The following KCNN2 variants were observed in gnomAD, a reference collection of about 807,000 sequenced individuals.
KCNN2 encodes small conductance calcium-activated potassium channel protein 2.
Under a neutral mutation model 55.5 loss-of-function variants are expected in KCNN2, and 24 were observed. The ratio of observed to expected loss-of-function variants is 0.43; its 90% confidence interval spans 0.31 to 0.61. The LOEUF (loss-of-function observed/expected upper bound fraction) is 0.61. Among genes scored for constraint, KCNN2 ranks in the 20% least tolerant of loss-of-function variants. The pLI is 0.08. For synonymous variants in KCNN2, 431 were observed against 336.1 expected, an observed-to-expected ratio of 1.28 and a Z score of -3.09; for missense variants, 754 against 853.6, an observed-to-expected ratio of 0.88 and a Z score of 1.45.
intron 1 of KCNN2, among the ~76,000 whole-genome samples, chr5:114,213,191 C>A (rs918222984): frequency 6.6e-6 from 1 of 151,956 alleles, no homozygotes; most frequent in African/African-American, 2.4e-5. Flanking sequence ...GGTTCTTTCC[C>A]TGAACTCATA....
intron 2 of KCNN2, among the ~76,000 whole-genome samples, chr5:114,281,783 A>G (rs1181499388): frequency 6.6e-6 from 1 of 152,036 alleles, no homozygotes; most frequent in Non-Finnish European, 1.5e-5. Flanking sequence ...ATAATAAATT[A>G]TGTCCTTGAA....
At chr5:114,109,022 A>G (rs6892544) in intron 1 of KCNN2, among the ~76,000 whole-genome samples, 25,453 of 151,908 alleles carry the variant, frequency 0.17, 2,220 homozygotes, top group Middle Eastern at 0.22. Context: ...CATTCTCACC[A>G]ATTTGGTGTT....
chr5:114,337,970 T>A (rs139771953), intron 2 of KCNN2, among the ~76,000 whole-genome samples: 3 of 152,304 alleles, frequency 2.0e-5, no homozygotes, highest in African/African-American at 7.2e-5. Context: ...ATACACTGAA[T>A]TTGTCCCTGC....
intron 1 of KCNN2, among the ~76,000 whole-genome samples, chr5:114,069,107 A>C (rs949058426): frequency 3.9e-5 from 6 of 152,070 alleles, no homozygotes; most frequent in Non-Finnish European, 8.8e-5. Flanking sequence ...GAGCCACCGC[A>C]CCCTGCCAAT....
intron 1 of KCNN2, among the ~76,000 whole-genome samples, chr5:114,184,655 C>A (rs1753296967): frequency 6.6e-6 from 1 of 152,076 alleles, no homozygotes; most frequent in Non-Finnish European, 1.5e-5. Context: ...GTCAGAATAA[C>A]AAACTAGTGA....
At chr5:114,444,536 C>G (rs1276860365) in intron 3 of KCNN2, among the ~76,000 whole-genome samples, 1 of 151,952 alleles carries the variant, frequency 6.6e-6, no homozygotes, top group Non-Finnish European at 1.5e-5. Context: ...GAGGCCAGGC[C>G]AAAAAGAATG....
chr5:114,201,312 A>T (rs1753669482), intron 1 of KCNN2, among the ~76,000 whole-genome samples: 1 of 152,068 alleles, frequency 6.6e-6, no homozygotes, highest in Non-Finnish European at 1.5e-5. Context: ...AATAATAATG[A>T]TAATAACTAT....
chr5:114,342,993 A>G (rs1757043538), intron 2 of KCNN2, among the ~76,000 whole-genome samples: 1 of 152,130 alleles, frequency 6.6e-6, no homozygotes, highest in African/African-American at 2.4e-5. Context: ...ATTCTTCCTG[A>G]TCCTCTCCTG....
intron 2 of KCNN2, among the ~76,000 whole-genome samples, chr5:114,326,064 A>G (rs1319059835): frequency 6.6e-6 from 1 of 152,202 alleles, no homozygotes; most frequent in African/African-American, 2.4e-5. Context: ...CTGCCAAATG[A>G]ATTATGAAAA....
intron 1 of KCNN2, among the ~76,000 whole-genome samples, chr5:114,077,423 G>T (rs1323405569): frequency 6.6e-6 from 1 of 152,204 alleles, no homozygotes; most frequent in African/African-American, 2.4e-5. Flanking sequence ...AGGCCCTCTA[G>T]TAGGGGCATA....
intron 1 of KCNN2, among the ~76,000 whole-genome samples, chr5:114,192,886 G>A (rs554922402): frequency 2.4e-4 from 37 of 152,094 alleles, no homozygotes; most frequent in African/African-American, 8.7e-4. Context: ...CATGTCTTCT[G>A]TCTCAATCCC....
chr5:114,062,535 CT>C (rs769686802), intron 1 of KCNN2, among the ~76,000 whole-genome samples: 1 of 152,100 alleles, frequency 6.6e-6, no homozygotes, highest in Non-Finnish European at 1.5e-5. Flanking sequence ...TGAAGAGGGC[CT>C]TTTAATTTTC....
rs1249898458 is a variant in KCNN2 at position 114,382,738 on chromosome 5, A to G, written c.1218+18737A>G. The stretch of plus-strand genomic sequence containing the variant: ...TGTGCCACAAAATAAACTTTCTACC[A>G]AAAAACAAATGGATGGATGGCGTCT... On this transcript the variant is annotated intron_variant, in intron 2 of 7. Coordinates refer to ENST00000673685, the MANE Select transcript of KCNN2 (RefSeq NM_021614.4). 2.0e-5 allele frequency among the ~76,000 whole-genome samples: 3 copies of G among 152,280 alleles called. No homozygotes were observed. In the South Asian group the frequency reaches 6.2e-4, roughly 32 times the overall value.
At chr5:114,385,873 A>G (rs1326912648) in intron 2 of KCNN2, among the ~76,000 whole-genome samples, 1 of 151,900 alleles carries the variant, frequency 6.6e-6, no homozygotes, top group Non-Finnish European at 1.5e-5. Context: ...TAATTATACA[A>G]CTGTTTCTTA....
At chr5:114,386,181 TA>T (rs35485329) in intron 2 of KCNN2, among the ~76,000 whole-genome samples, 30,473 of 100,820 alleles carry the variant, frequency 0.3, 4,126 homozygotes, top group Non-Finnish European at 0.38. Context: ...AGACTCTGTC[TA>T]AAAAAAAAAA....
intron 2 of KCNN2, among the ~76,000 whole-genome samples, chr5:114,315,962 G>A (rs1310894067): frequency 2.1e-5 from 2 of 95,950 alleles, no homozygotes; most frequent in East Asian, 1.7e-3. Flanking sequence ...ATGGGAGTTG[G>A]AAGGAGGCAA....
chr5:114,167,640 C>T (rs578201418), intron 1 of KCNN2, among the ~76,000 whole-genome samples: 116 of 152,162 alleles, frequency 7.6e-4, no homozygotes, highest in Non-Finnish European at 1.0e-4. Context: ...TATATTTTGA[C>T]CTCTTCCCTT....
At chr5:114,280,431 T>C (rs1047088673) in intron 2 of KCNN2, among the ~76,000 whole-genome samples, 4 of 152,216 alleles carry the variant, frequency 2.6e-5, no homozygotes, top group Admixed American at 6.5e-5. Context: ...TTTATGGTTT[T>C]AGGTCTAATA....
intron 3 of KCNN2, among the ~76,000 whole-genome samples, chr5:114,451,100 C>A (rs2150104146): frequency 6.6e-6 from 1 of 152,276 alleles, no homozygotes; most frequent in African/African-American, 2.4e-5. Context: ...AACTTATTGA[C>A]AGATAAGTCA....
Sources: gnomAD v4.1 joint callset for allele counts (sites outside exome capture counted in the v4.1 genomes callset) on GRCh38, gnomAD v4.1.1 for gene constraint, MANE v1.5 for transcripts, NCBI Gene and HGNC (gene_info 2026-07-23, HGNC 2026-07-21) for gene names.